The following GOSR1 variants were observed in gnomAD, a reference collection of about 807,000 sequenced individuals.
The protein encoded by GOSR1 is golgi SNAP receptor complex member 1, also known as 28 kDa Golgi SNARE protein.
In GOSR1, 21 loss-of-function variants were observed where a neutral mutation model predicts 35.5. The ratio of observed to expected loss-of-function variants is 0.59; its 90% CI spans 0.42 to 0.85. The LOEUF is 0.85. Ranked by LOEUF, GOSR1 falls within the 40% of genes least tolerant of loss-of-function variation. GOSR1 has a pLI of 0.00. For missense variants in GOSR1, 285 were observed against 309.6 expected (o/e 0.92, Z 0.60); for synonymous variants, 94 against 106.6 (o/e 0.88, Z 0.73).
chr17:30,516,022 T>C (rs774615975), intron 7 of GOSR1, among the ~76,000 whole-genome samples: 2 of 152,216 alleles, frequency 1.3e-5, no homozygotes, highest in Non-Finnish European at 2.9e-5. Context: ...GTGTCCATGT[T>C]AATTGTGTGT....
At chr17:30,482,953 G>A (rs1181115287) in intron 2 of GOSR1, 1 of 152,030 alleles carries the variant, frequency 6.6e-6, no homozygotes, top group Admixed American at 6.6e-5. Flanking sequence ...ACTGAAACTG[G>A]CTTTGTAGAA....
In GOSR1 at chr17:30,525,741, C is replaced by G. The variant is rs1382771955; in HGVS notation, c.*3363C>G. 1 of 152,176 alleles carries G rather than the reference C, an allele frequency of 6.6e-6. No individual in the cohort carries two copies. Among genetic ancestry groups the G allele is most frequent in the Non-Finnish European group, 1.5e-5 (1 of 68,026 alleles). 9.4% of individuals were successfully genotyped at this position (152,176 alleles called of 1,614,324 possible). A position where few individuals can be genotyped will look rare whatever the true frequency, so the allele number is the denominator to read the frequency against. ...CTAGCTCACTGCAGCCAAGCAAACCCTGTTGATGGCTGATGGGCCTTTCCA... is the reference window on the plus strand; with the variant it reads ...CTAGCTCACTGCAGCCAAGCAAACCGTGTTGATGGCTGATGGGCCTTTCCA... On this transcript the variant is annotated 3_prime_UTR_variant, in exon 9 of 9. Transcript: ENST00000451249.
chr17:30,503,233 C>T (rs1253701047), intron 6 of GOSR1, among the ~76,000 whole-genome samples: 4 of 152,100 alleles, frequency 2.6e-5, no homozygotes, highest in African/African-American at 9.7e-5. Flanking sequence ...CACATGTTTG[C>T]TCTTGAAATG....
In GOSR1 at chr17:30,524,342, G is replaced by C. The variant is rs1393932809; in HGVS notation, c.*1964G>C. ...TGTCTCCTCAACTCTGTTGATATTTGGGGAAAATTCTGTTTTTCATAGATT... is the reference window on the plus strand; with the variant it reads ...TGTCTCCTCAACTCTGTTGATATTTCGGGAAAATTCTGTTTTTCATAGATT... On this transcript the variant is annotated 3_prime_UTR_variant, in exon 9 of 9. Coordinates refer to ENST00000451249, the MANE Select transcript of GOSR1 (RefSeq NM_001007025.2). 1 of 152,092 alleles carries C rather than the reference G, an allele frequency of 6.6e-6. No individual in the cohort carries two copies. Among genetic ancestry groups the C allele is most frequent in the Non-Finnish European group, 1.5e-5 (1 of 68,028 alleles). 9.4% of individuals were successfully genotyped at this position (152,092 alleles called of 1,614,324 possible).
chr17:30,517,391 A>G (rs1212928298), intron 7 of GOSR1, among the ~76,000 whole-genome samples: 2 of 152,196 alleles, frequency 1.3e-5, no homozygotes, highest in Admixed American at 6.5e-5. Context: ...TGTCATACAA[A>G]CATCCCCAAG....
rs773238625 is a variant in GOSR1 at position 30,481,299 on chromosome 17, G to A, written c.146+42G>A. Reference sequence around the variant, plus strand: ...ATTCTGTCTCCTATGCCTTAACTGTGTTTTTAAAGCATTAAAAAATAAACT... The same window carrying A: ...ATTCTGTCTCCTATGCCTTAACTGTATTTTTAAAGCATTAAAAAATAAACT... On this transcript the variant is annotated intron_variant, in intron 2 of 8. Coordinates refer to ENST00000451249, the MANE Select transcript of GOSR1 (RefSeq NM_001007025.2). 8.1e-5 allele frequency: 118 copies of A among 1,458,720 alleles called. 1 individual carries two copies. The highest frequency in any genetic ancestry group is 3.8e-6 in the Non-Finnish European group (4 of 1,064,050). The allele number at this position is 1,458,720 out of a possible 1,614,324, so 90.4% of individuals were successfully genotyped here.
chr17:30,519,653 G>A (rs1208616706), intron 7 of GOSR1: 2 of 248,084 alleles, frequency 8.1e-6, no homozygotes, highest in African/African-American at 2.2e-5. Flanking sequence ...AGAAGCTTTT[G>A]TAATATGTGA....
chr17:30,492,483 A>T (rs1915108079), intron 5 of GOSR1, among the ~76,000 whole-genome samples, 196 bp from the exon 6 acceptor site: 1 of 152,234 alleles, frequency 6.6e-6, no homozygotes, highest in Non-Finnish European at 1.5e-5. Context: ...TAAATTAGAG[A>T]TGCAGAGGCA....
rs1968187838 is a variant in GOSR1, at chr17:30,526,611, T to C, written c.*4233T>C. 1 of 152,654 alleles carries C rather than the reference T, an allele frequency of 6.6e-6. No homozygotes were observed. The highest frequency in any genetic ancestry group is 6.5e-5 in the Admixed American group (1 of 15,288). The allele number at this position is 152,654 out of a possible 1,614,324, so 9.5% of individuals were successfully genotyped here. ...ATACTTTCCTGTGATGGAAGATGTT[T>C]CCTCTTGAAAAAATGCCAATACAGA... On this transcript the variant is annotated 3_prime_UTR_variant, in exon 9 of 9. Transcript: ENST00000451249.
chr17:30,495,635 C>T (rs564746409), intron 6 of GOSR1: 2 of 318,770 alleles, frequency 6.3e-6, no homozygotes, highest in South Asian at 2.5e-5. Context: ...CACATTTTCT[C>T]CTTCCAAGCC....
At chr17:30,510,173 A>G (rs1967563583) in intron 6 of GOSR1, among the ~76,000 whole-genome samples, 1 of 152,076 alleles carries the variant, frequency 6.6e-6, no homozygotes, top group Non-Finnish European at 1.5e-5. Flanking sequence ...TCCCGGGTTC[A>G]AGCAGTTCTC....
chr17:30,512,153 G>C (rs971291827), intron 7 of GOSR1, among the ~76,000 whole-genome samples: 16 of 152,106 alleles, frequency 1.1e-4, no homozygotes, highest in Admixed American at 1.0e-3. Flanking sequence ...TTAGATCTTA[G>C]ATTTCTGTTC....
At chr17:30,484,816 G>GTTTT in intron 4 of GOSR1, 46 bp downstream of exon 4, 1 of 818,958 alleles carries the variant, frequency 1.2e-6, no homozygotes, top group Non-Finnish European at 2.0e-6. Flanking sequence ...AGGAGTTTGG[G>GTTTT]TTTTTTTTTT....
intron 4 of GOSR1, 68 bp from the exon 5 acceptor site, chr17:30,490,058 A>T: frequency 1.3e-6 from 1 of 752,580 alleles, no homozygotes; most frequent in Non-Finnish European, 2.4e-6. Flanking sequence ...ATGACGATAC[A>T]TAACTGGTTC....
chr17:30,482,481 G>A (rs1914422421), intron 2 of GOSR1, among the ~76,000 whole-genome samples: 1 of 152,142 alleles, frequency 6.6e-6, no homozygotes, highest in African/African-American at 2.4e-5. Context: ...CGGTGAAATT[G>A]CTGGTAGCAG....
At position 30,481,272 on chromosome 17, in the gene GOSR1, A is replaced by G; in HGVS notation, c.146+15A>G. On this transcript the variant is annotated intron_variant, in intron 2 of 8. Transcript: ENST00000451249. ...AGACGCGACAGGTATAGGTACTACC[A>G]GATTCTGTCTCCTATGCCTTAACTG... 1 of 1,591,580 alleles carries G rather than the reference A, an allele frequency of 6.3e-7. No homozygotes were observed. The highest frequency in any genetic ancestry group is 1.1e-5 in the South Asian group (1 of 90,194).
At position 30,492,720 on chromosome 17, in the gene GOSR1, A is replaced by G; in HGVS notation, c.476A>G (p.Glu159Gly). ...TCTGGAGTAAACAACAGAAGAACTG[A>G]GCTATTTTTGAAAGAACATGACCAC... ...SGSGVNNRRT[E>G]LFLKEHDHLR... The change falls in exon 6 of 9, where the codon GAG (glutamate) becomes GGG (glycine). Residue 159 changes from glutamate to glycine, a missense_variant. Transcript: ENST00000451249. 2 of 1,604,552 alleles carry G rather than the reference A, an allele frequency of 1.2e-6. No individual in the cohort carries two copies. Among genetic ancestry groups the G allele is most frequent in the Non-Finnish European group, 1.7e-6 (2 of 1,171,584 alleles).
intron 7 of GOSR1, among the ~76,000 whole-genome samples, chr17:30,512,759 A>C (rs1007786637): frequency 6.6e-6 from 1 of 152,198 alleles, no homozygotes; most frequent in Non-Finnish European, 1.5e-5. Context: ...AAAGTTTCCC[A>C]ATCATCCTTT....
intron 6 of GOSR1, 130 bp downstream of exon 6, chr17:30,492,883 T>C: frequency 1.7e-6 from 1 of 602,982 alleles, no homozygotes; most frequent in Non-Finnish European, 3.0e-6. Flanking sequence ...ATTCTCCTAA[T>C]GACTCTTTTC....
Sources: gnomAD v4.1 joint callset for allele counts (sites outside exome capture counted in the v4.1 genomes callset) on GRCh38, gnomAD v4.1.1 for gene constraint, MANE v1.5 for transcripts, NCBI Gene and HGNC (gene_info 2026-07-23, HGNC 2026-07-21) for gene names.